The following KCNQ3 variants were observed in gnomAD, a reference collection of about 807,000 sequenced individuals.
KCNQ3 encodes potassium voltage-gated channel subfamily KQT member 3.
KCNQ3 carries 30 observed loss-of-function variants against 92.5 expected under a neutral mutation model. The observed-to-expected ratio is 0.32, with a 90% confidence interval of 0.24 to 0.44. The LOEUF (loss-of-function observed/expected upper bound fraction) is 0.44, where lower values mean the gene tolerates loss of function less well. KCNQ3 is among the 20% of genes least tolerant of loss of function. The pLI is 1.00. For synonymous variants in KCNQ3, 450 were observed against 468.8 expected (o/e 0.96, Z 0.52); for missense variants, 913 against 1,140.3 (o/e 0.80, Z 2.87).
intron 1 of KCNQ3, among the ~76,000 whole-genome samples, chr8:132,363,682 C>T (rs1819234161): frequency 6.6e-6 from 1 of 151,896 alleles, no homozygotes; most frequent in Non-Finnish European, 1.5e-5. Context: ...TCTTTTAGCC[C>T]ACAGACTTAG....
chr8:132,412,909 T>A (rs879426287), intron 1 of KCNQ3, among the ~76,000 whole-genome samples: 1 of 152,172 alleles, frequency 6.6e-6, no homozygotes, highest in Admixed American at 6.5e-5. Flanking sequence ...ATAAAGCAAG[T>A]GACCGGGGAG....
At position 132,124,793 on chromosome 8, in the gene KCNQ3, C is replaced by A. The variant is rs1824610580; in HGVS notation, c.*4469G>T. ...CTAAGGATGCCTGGGGTTCAGGAAG[C>A]AAAGAAGAATCTTTGGTTATTCATG... On this transcript the variant is annotated 3_prime_UTR_variant, in exon 15 of 15. Transcript: ENST00000388996. 6.6e-6 allele frequency: 1 copy of A among 152,182 alleles called. No homozygotes were observed. Among genetic ancestry groups the A allele is most frequent in the South Asian group, 2.1e-4 (1 of 4,828 alleles). 9.4% of individuals were successfully genotyped at this position (152,182 alleles called of 1,614,324 possible). A position where few individuals can be genotyped will look rare whatever the true frequency, so the allele number is the denominator to read the frequency against.
intron 1 of KCNQ3, among the ~76,000 whole-genome samples, chr8:132,431,235 T>A (rs927640258): frequency 6.6e-6 from 1 of 152,176 alleles, no homozygotes; most frequent in South Asian, 2.1e-4. Context: ...ATGTGGACCA[T>A]TCCCATGTGT....
intron 1 of KCNQ3, among the ~76,000 whole-genome samples, chr8:132,426,268 C>T (rs370842948): frequency 5.9e-5 from 9 of 152,254 alleles, no homozygotes; most frequent in East Asian, 1.9e-4. Flanking sequence ...CTCCCTCCTC[C>T]GCTCCCATGG....
At chr8:132,194,717 G>C (rs557624292) in intron 1 of KCNQ3, among the ~76,000 whole-genome samples, 1 of 152,322 alleles carries the variant, frequency 6.6e-6, no homozygotes, top group East Asian at 1.9e-4. Context: ...TCCTCTTCCT[G>C]ATTTGACTCA....
chr8:132,271,064 T>C (rs1394506734), intron 1 of KCNQ3, among the ~76,000 whole-genome samples: 1 of 152,236 alleles, frequency 6.6e-6, no homozygotes, highest in Non-Finnish European at 1.5e-5. Context: ...CCTGATGATG[T>C]GGAAGGCTAA....
At chr8:132,329,775 A>G (rs1242242645) in intron 1 of KCNQ3, among the ~76,000 whole-genome samples, 1 of 152,194 alleles carries the variant, frequency 6.6e-6, no homozygotes, top group Non-Finnish European at 1.5e-5. Context: ...CAAACAAAGC[A>G]GCTTGATTAT....
At chr8:132,211,619 A>C (rs1012183414) in intron 1 of KCNQ3, among the ~76,000 whole-genome samples, 1 of 152,178 alleles carries the variant, frequency 6.6e-6, no homozygotes, top group African/African-American at 2.4e-5. Flanking sequence ...CATTCATTGT[A>C]TATACATATG....
At position 132,472,733 on chromosome 8, in the gene KCNQ3, A is replaced by G. The variant is rs535065745; in HGVS notation, c.386+7414T>C. On this transcript the variant is annotated intron_variant, in intron 1 of 14. Transcript: ENST00000388996. The stretch of plus-strand genomic sequence containing the variant: ...ACCATAGTTAACAACAATGTATTGT[A>G]TAATTCAAAACAGCTAAGAGAGAGG... Among the ~76,000 whole-genome samples the G allele has an allele frequency of 3.3e-5, 5 of 152,330 alleles. No homozygotes were observed. The East Asian group carries it at 9.7e-4, about 29-fold the overall frequency.
chr8:132,329,372 C>T (rs1818163586), intron 1 of KCNQ3, among the ~76,000 whole-genome samples: 1 of 152,180 alleles, frequency 6.6e-6, no homozygotes, highest in Non-Finnish European at 1.5e-5. Context: ...TGCTAGAATC[C>T]TCCAGTGCTG....
In KCNQ3 at chr8:132,126,364, C is replaced by T. The variant is rs992606907; in HGVS notation, c.*2898G>A. The T allele has an allele frequency of 6.6e-6, 1 of 152,022 alleles. No homozygotes were observed. The highest frequency in any genetic ancestry group is 1.5e-5 in the Non-Finnish European group (1 of 68,016). 9.4% of individuals were successfully genotyped at this position (152,022 alleles called of 1,614,324 possible). On this transcript the variant is annotated 3_prime_UTR_variant, in exon 15 of 15. Transcript: ENST00000388996. ...CCATAACTCACATTCAATTCCAGAC[C>T]CTGAATTTCTGCTTGCTCACTGTGA...
At chr8:132,421,458 T>C (rs1820964467) in intron 1 of KCNQ3, among the ~76,000 whole-genome samples, 1 of 152,120 alleles carries the variant, frequency 6.6e-6, no homozygotes, top group South Asian at 2.1e-4. Flanking sequence ...TTTTAAAAGT[T>C]CTTCAAATCT....
At chr8:132,281,037 G>A (rs192364021) in intron 1 of KCNQ3, among the ~76,000 whole-genome samples, 3 of 152,276 alleles carry the variant, frequency 2.0e-5, no homozygotes, top group Non-Finnish European at 2.9e-5. Context: ...TGGGGTGGGA[G>A]GAGAAAGCTG....
At chr8:132,172,431 C>CACACACACACACACACACAG (rs777793487) in intron 7 of KCNQ3, among the ~76,000 whole-genome samples, 167 bp downstream of exon 7, 75 of 150,790 alleles carry the variant, frequency 5.0e-4, no homozygotes, top group Middle Eastern at 3.4e-3. Flanking sequence ...CACACACACA[C>CACACACACACACACACACAG]ACACAGACAC....
chr8:132,151,028 T>C (rs1825621910), intron 9 of KCNQ3, among the ~76,000 whole-genome samples: 3 of 152,220 alleles, frequency 2.0e-5, no homozygotes, highest in African/African-American at 7.2e-5. Flanking sequence ...CATCAAAATA[T>C]AAATAGGTGG....
intron 1 of KCNQ3, among the ~76,000 whole-genome samples, chr8:132,447,565 G>A (rs1406628499): frequency 6.6e-6 from 1 of 152,176 alleles, no homozygotes; most frequent in African/African-American, 2.4e-5. Flanking sequence ...GCTGGGTTAT[G>A]GGAGAGAGAG....
chr8:132,162,291 T>A (rs1268626568), intron 9 of KCNQ3, among the ~76,000 whole-genome samples: 1 of 152,224 alleles, frequency 6.6e-6, no homozygotes, highest in Non-Finnish European at 1.5e-5. Context: ...AAGGTAGATT[T>A]AATAATTCAC....
intron 1 of KCNQ3, among the ~76,000 whole-genome samples, chr8:132,250,872 C>T (rs1235017804): frequency 6.6e-6 from 1 of 152,186 alleles, no homozygotes; most frequent in African/African-American, 2.4e-5. Context: ...AAGAAGGAAA[C>T]TGTATTGAGG....
At chr8:132,230,468 A>G (rs968755161) in intron 1 of KCNQ3, among the ~76,000 whole-genome samples, 1 of 150,520 alleles carries the variant, frequency 6.6e-6, no homozygotes, top group African/African-American at 2.5e-5. Flanking sequence ...AGAGAGAGAG[A>G]GAGAGAGAGA....
Sources: allele counts gnomAD v4.1 joint callset (sites outside exome capture counted in the v4.1 genomes callset), GRCh38; gene constraint gnomAD v4.1.1; transcripts MANE v1.5; gene names NCBI Gene and HGNC (gene_info 2026-07-23, HGNC 2026-07-21).